ADAM22: variants seen among roughly 807,000 people sequenced by gnomAD.
ADAM22 encodes disintegrin and metalloproteinase domain-containing protein 22.
ADAM22 carries 65 observed loss-of-function variants against 144.6 expected under a neutral mutation model. The ratio of observed to expected loss-of-function variants is 0.45; its 90% CI spans 0.37 to 0.55. The LOEUF (loss-of-function observed/expected upper bound fraction) is 0.55, where lower values mean the gene tolerates loss of function less well. Ranked by LOEUF, ADAM22 falls within the 20% of genes least tolerant of loss-of-function variation. ADAM22 has a pLI of 0.00. For synonymous variants in ADAM22, 391 were observed against 412.6 expected (o/e 0.95, Z 0.63); for missense variants, 974 against 1,184.9 (o/e 0.82, Z 2.61).
At chr7:88,140,386 G>A (rs760281530) in intron 14 of ADAM22, among the ~76,000 whole-genome samples, 8 of 151,990 alleles carry the variant, frequency 5.3e-5, no homozygotes, top group Admixed American at 2.6e-4. Flanking sequence ...AAGGGTCCAC[G>A]GCAACTGAAA....
At chr7:88,091,373 A>G (rs1169158945) in intron 4 of ADAM22, among the ~76,000 whole-genome samples, 1 of 152,202 alleles carries the variant, frequency 6.6e-6, no homozygotes, top group African/African-American at 2.4e-5. Flanking sequence ...TTTTACAAAT[A>G]AATATTATAT....
At chr7:87,935,244 A>G (rs1405866607) in intron 2 of ADAM22, 58 bp downstream of exon 2, 4 of 1,480,234 alleles carry the variant, frequency 2.7e-6, no homozygotes, top group Admixed American at 2.4e-5. Context: ...CCGAGACCCC[A>G]CGATTGCGCT....
intron 3 of ADAM22, among the ~76,000 whole-genome samples, chr7:88,066,933 C>T (rs750324689): frequency 3.3e-5 from 5 of 152,076 alleles, no homozygotes; most frequent in African/African-American, 4.8e-5. Context: ...CATGAAAATA[C>T]AGTTTTGGTG....
chr7:88,071,666 A>T (rs1812852210), intron 3 of ADAM22, among the ~76,000 whole-genome samples: 1 of 152,108 alleles, frequency 6.6e-6, no homozygotes, highest in Non-Finnish European at 1.5e-5. Flanking sequence ...TAGGCTTGTT[A>T]TGACATGCAA....
intron 22 of ADAM22, among the ~76,000 whole-genome samples, chr7:88,158,222 A>G (rs1354840268): frequency 1.3e-5 from 2 of 152,204 alleles, no homozygotes; most frequent in African/African-American, 4.8e-5. Flanking sequence ...ATATATATGC[A>G]CCCAACACAG....
In ADAM22 at chr7:88,060,556, G is replaced by A. The variant is rs978100051; in HGVS notation, c.324-15070G>A. Among the ~76,000 whole-genome samples, 97 of 149,622 alleles carry A rather than the reference G, an allele frequency of 6.5e-4. 1 individual carries two copies. Among genetic ancestry groups the A allele is most frequent in the Non-Finnish European group, 2.1e-4 (14 of 67,382 alleles). ...GAGGCCGAGGTGGGTGGATTACGAG[G>A]TTAGGAGATCGAAACCATCCTGGCT... On this transcript the variant is annotated intron_variant, in intron 3 of 31. Transcript: ENST00000413139.
At chr7:88,049,740 T>C (rs1805701558) in intron 3 of ADAM22, among the ~76,000 whole-genome samples, 1 of 152,208 alleles carries the variant, frequency 6.6e-6, no homozygotes, top group Non-Finnish European at 1.5e-5. Context: ...AACTATAGTT[T>C]GGGGTGAAAG....
chr7:88,037,098 C>T (rs746955528), intron 3 of ADAM22, among the ~76,000 whole-genome samples: 3 of 152,062 alleles, frequency 2.0e-5, no homozygotes, highest in Non-Finnish European at 4.4e-5. Flanking sequence ...GTCTTGAACT[C>T]TATAAATGAT....
intron 3 of ADAM22, among the ~76,000 whole-genome samples, chr7:88,004,255 A>C (rs1369193925): frequency 6.6e-6 from 1 of 152,212 alleles, no homozygotes; most frequent in African/African-American, 2.4e-5. Flanking sequence ...GAGAACTCCT[A>C]AGATGAAGAA....
chr7:88,134,462 C>T, intron 13 of ADAM22, 43 bp downstream of exon 13: 1 of 1,427,572 alleles, frequency 7.0e-7, no homozygotes, highest in Non-Finnish European at 9.6e-7. Context: ...TTAAAATAGA[C>T]TATTTGTGAA....
chr7:87,935,256 G>C lies in ADAM22; in HGVS notation c.246+70G>C. The C allele has an allele frequency of 3.4e-6, 5 of 1,455,172 alleles. 1 individual carries two copies. The South Asian group carries it at 5.6e-5, about 16-fold the overall frequency. 90.1% of individuals were successfully genotyped at this position (1,455,172 alleles called of 1,614,324 possible). ...CACCCGAGACCCCACGATTGCGCTC[G>C]GTTGCCCTGGAGATCCCATGTCTTC... On this transcript the variant is annotated intron_variant, in intron 2 of 31. Coordinates refer to ENST00000413139, the MANE Select transcript of ADAM22 (RefSeq NM_001324418.2).
intron 4 of ADAM22, among the ~76,000 whole-genome samples, chr7:88,098,013 TTACAG>T (rs1485202259): frequency 6.6e-6 from 1 of 152,196 alleles, no homozygotes; most frequent in East Asian, 1.9e-4. Context: ...CCTCTCTGCA[TTACAG>T]TAATCTGTTG....
At chr7:88,068,403 C>T (rs1021940049) in intron 3 of ADAM22, among the ~76,000 whole-genome samples, 3 of 151,988 alleles carry the variant, frequency 2.0e-5, no homozygotes, top group Admixed American at 6.6e-5. Context: ...CTTTGATTTT[C>T]GATTGTGAAC....
In ADAM22 at chr7:88,181,667, T is replaced by C. The variant is rs369014291; in HGVS notation, c.2596+62T>C. ...ATCAAGTTCTATATTCTGTGGCCCC[T>C]GGTTGTAAAGACTTTTATTTCTTTG... On this transcript the variant is annotated intron_variant, in intron 28 of 31. Transcript: ENST00000413139. 44 of 1,415,824 alleles carry C rather than the reference T, an allele frequency of 3.1e-5. No homozygotes were observed. In the East Asian group the frequency reaches 8.3e-4, roughly 27 times the overall value. The allele number at this position is 1,415,824 out of a possible 1,614,324, so 87.7% of individuals were successfully genotyped here. A position where few individuals can be genotyped will look rare whatever the true frequency, so the allele number is the denominator to read the frequency against.
intron 3 of ADAM22, among the ~76,000 whole-genome samples, chr7:88,058,230 G>A (rs1409834816): frequency 6.6e-6 from 1 of 152,178 alleles, no homozygotes; most frequent in Non-Finnish European, 1.5e-5. Context: ...TAGAGGTGAT[G>A]AGATACCTCA....
chr7:88,188,345 G>T (rs1057050184), intron 30 of ADAM22, among the ~76,000 whole-genome samples: 10 of 152,094 alleles, frequency 6.6e-5, no homozygotes, highest in African/African-American at 9.7e-5. Flanking sequence ...CAGCACCCAG[G>T]TCTGCCCAGA....
At chr7:88,131,122 C>T (rs1001594785) in intron 10 of ADAM22, 147 bp from the exon 11 acceptor site, 6 of 633,346 alleles carry the variant, frequency 9.5e-6, no homozygotes, top group African/African-American at 7.4e-5. Flanking sequence ...CTCTGTTACT[C>T]AAGGGAAATG....
intron 4 of ADAM22, among the ~76,000 whole-genome samples, chr7:88,092,239 A>G (rs748291747): frequency 2.6e-5 from 4 of 152,138 alleles, no homozygotes; most frequent in Non-Finnish European, 4.4e-5. Flanking sequence ...AGACTAGAAG[A>G]TATTTGATTG....
chr7:88,192,236 G>A (rs1849779554), intron 30 of ADAM22, among the ~76,000 whole-genome samples: 2 of 152,168 alleles, frequency 1.3e-5, no homozygotes, highest in African/African-American at 4.8e-5. Flanking sequence ...AGGAGCAGTG[G>A]ATGTGTAGTG....
Sources: gnomAD v4.1 joint callset for allele counts (sites outside exome capture counted in the v4.1 genomes callset) on GRCh38, gnomAD v4.1.1 for gene constraint, MANE v1.5 for transcripts, NCBI Gene and HGNC (gene_info 2026-07-23, HGNC 2026-07-21) for gene names.